The following HPSE2 variants were observed in gnomAD, a reference collection of about 807,000 sequenced individuals.
HPSE2 encodes inactive heparanase-2.
A neutral mutation model predicts 60.5 loss-of-function variants in HPSE2; 38 were observed. That is an observed-to-expected ratio of 0.63 (90% CI 0.48 to 0.82). The LOEUF is 0.82. Ranked by LOEUF, HPSE2 falls within the 40% of genes least tolerant of loss-of-function variation. The pLI is 0.00. For synonymous variants in HPSE2, 295 were observed against 293.2 expected (o/e 1.01, Z -0.06); for missense variants, 713 against 740.4 (o/e 0.96, Z 0.43).
chr10:99,274,381 C>T, the HPSE2 span, among the ~76,000 whole-genome samples: 11 of 152,004 alleles, frequency 7.2e-5, no homozygotes, highest in South Asian at 4.2e-4. Context: ...CAAACCTGCA[C>T]GTCCTGCACA....
At chr10:98,696,593 C>T (rs1383699437) in intron 5 of HPSE2, among the ~76,000 whole-genome samples, 1 of 51,888 alleles carries the variant, frequency 1.9e-5, no homozygotes, top group African/African-American at 5.9e-5. Context: ...ACCACTGGGG[C>T]GAGGGTCCCA....
At chr10:99,193,918 A>C (rs779689742) in intron 2 of HPSE2, among the ~76,000 whole-genome samples, 4 of 152,134 alleles carry the variant, frequency 2.6e-5, no homozygotes, top group Non-Finnish European at 5.9e-5. Flanking sequence ...ACTGGATTTA[A>C]TCTGCACTAG....
intron 9 of HPSE2, among the ~76,000 whole-genome samples, chr10:98,540,358 A>G (rs1351841224): frequency 6.6e-6 from 1 of 152,244 alleles, no homozygotes; most frequent in African/African-American, 2.4e-5. Flanking sequence ...GGTCATGAGC[A>G]AGGTCTGTGA....
intron 3 of HPSE2, among the ~76,000 whole-genome samples, chr10:98,980,768 G>C (rs1956187571): frequency 1.3e-5 from 2 of 152,116 alleles, no homozygotes; most frequent in Admixed American, 6.6e-5. Flanking sequence ...TATTTAGTTC[G>C]ATTTAACAAT....
At chr10:98,485,947 T>G (rs897853015) in intron 10 of HPSE2, among the ~76,000 whole-genome samples, 4 of 152,150 alleles carry the variant, frequency 2.6e-5, no homozygotes, top group Admixed American at 1.3e-4. Context: ...ATCACAGCAC[T>G]GCTGCAGGGA....
chr10:98,985,607 C>G (rs531637285), intron 3 of HPSE2, among the ~76,000 whole-genome samples: 1 of 152,278 alleles, frequency 6.6e-6, no homozygotes, highest in East Asian at 1.9e-4. Flanking sequence ...AACCAGCTAA[C>G]ATCATAATGA....
At chr10:98,964,103 A>C (rs1041356127) in intron 3 of HPSE2, among the ~76,000 whole-genome samples, 2 of 152,108 alleles carry the variant, frequency 1.3e-5, no homozygotes, top group Admixed American at 6.5e-5. Context: ...ATAAACAAAA[A>C]AGTTTTCCTC....
intron 2 of HPSE2, among the ~76,000 whole-genome samples, chr10:99,227,810 T>C (rs1020044735): frequency 2.0e-5 from 3 of 148,982 alleles, no homozygotes; most frequent in Admixed American, 1.4e-4. Flanking sequence ...AATATATATA[T>C]ATATGTATAT....
At chr10:99,208,469 G>T (rs1233705819) in intron 2 of HPSE2, among the ~76,000 whole-genome samples, 15 of 152,050 alleles carry the variant, frequency 9.9e-5, no homozygotes, top group Admixed American at 9.2e-4. Context: ...CATATTTCTT[G>T]AGCCCAGGAA....
chr10:99,235,920 C>T (rs1440729697), upstream of HPSE2: 246 of 763,594 alleles, frequency 3.2e-4, no homozygotes, highest in Non-Finnish European at 5.1e-4. Context: ...CCTCCCACCA[C>T]CCCCCCAACA....
intron 9 of HPSE2, among the ~76,000 whole-genome samples, chr10:98,584,837 T>A (rs962373211): frequency 4.6e-5 from 7 of 152,122 alleles, no homozygotes; most frequent in Non-Finnish European, 8.8e-5. Flanking sequence ...ACAGTGGATA[T>A]TTGTGAAAGG....
At chr10:99,013,928 A>G in intron 3 of HPSE2, 5 of 432,248 alleles carry the variant, frequency 1.2e-5, no homozygotes, top group Non-Finnish European at 2.4e-5. Context: ...AACAGTCTCC[A>G]TATCCTGGTG....
At chr10:99,030,496 G>A (rs1393166416) in intron 3 of HPSE2, among the ~76,000 whole-genome samples, 1 of 152,236 alleles carries the variant, frequency 6.6e-6, no homozygotes, top group East Asian at 1.9e-4. Context: ...AATAACACAT[G>A]CTGATAAGAA....
intron 6 of HPSE2, among the ~76,000 whole-genome samples, chr10:98,668,382 A>C (rs1184279831): frequency 6.6e-6 from 1 of 152,184 alleles, no homozygotes; most frequent in African/African-American, 2.4e-5. Context: ...CAAAACACCA[A>C]TGTCATTTTT....
intron 2 of HPSE2, among the ~76,000 whole-genome samples, chr10:99,208,705 A>G (rs894522668): frequency 6.6e-6 from 1 of 152,000 alleles, no homozygotes; most frequent in Non-Finnish European, 1.5e-5. Context: ...AATAAAAAAA[A>G]AAAGACATAG....
chr10:99,307,664 G>C, the HPSE2 span, among the ~76,000 whole-genome samples: 1 of 152,132 alleles, frequency 6.6e-6, no homozygotes, highest in Non-Finnish European at 1.5e-5. Flanking sequence ...CACAGCCAAG[G>C]AGTTAATTCA....
intron 7 of HPSE2, among the ~76,000 whole-genome samples, chr10:98,633,498 C>A (rs2134016044): frequency 6.6e-6 from 1 of 152,316 alleles, no homozygotes; most frequent in African/African-American, 2.4e-5. Flanking sequence ...CAGGTGTGAG[C>A]TGCCACGCCC....
the HPSE2 span, among the ~76,000 whole-genome samples, chr10:99,250,572 T>A: frequency 6.6e-6 from 1 of 152,070 alleles, no homozygotes; most frequent in Admixed American, 6.5e-5. Context: ...TCTGCACACA[T>A]AACATACTGC....
At chr10:98,720,557 G>A (rs1245911762) in intron 5 of HPSE2, among the ~76,000 whole-genome samples, 1 of 151,922 alleles carries the variant, frequency 6.6e-6, no homozygotes, top group Non-Finnish European at 1.5e-5. Context: ...AAAAAATTTG[G>A]CAACAAATAT....
Sources: gnomAD v4.1 joint callset for allele counts (sites outside exome capture counted in the v4.1 genomes callset) on GRCh38, gnomAD v4.1.1 for gene constraint, MANE v1.5 for transcripts, NCBI Gene and HGNC (gene_info 2026-07-23, HGNC 2026-07-21) for gene names.